Variants in PTPRM observed in about 807,000 individuals in gnomAD.
PTPRM encodes the protein protein tyrosine phosphatase receptor type M, also known as receptor-type tyrosine-protein phosphatase mu.
PTPRM carries 47 observed loss-of-function variants against 186.7 expected under a neutral mutation model. The observed-to-expected ratio is 0.25, with a 90% CI of 0.20 to 0.32. PTPRM has a LOEUF of 0.32. Among genes scored for constraint, PTPRM ranks in the 10% least tolerant of loss-of-function variants. The pLI is 1.00. For missense variants in PTPRM, 1,494 were observed against 1,865.0 expected, an observed-to-expected ratio of 0.80 and a Z score of 3.66; for synonymous variants, 668 against 674.9, an observed-to-expected ratio of 0.99 and a Z score of 0.16.
At chr18:7,977,427 G>A (rs1158761143) in intron 7 of PTPRM, among the ~76,000 whole-genome samples, 3 of 152,102 alleles carry the variant, frequency 2.0e-5, no homozygotes, top group East Asian at 1.9e-4. Context: ...GCACTTCACC[G>A]TAGGTCCCTC....
chr18:8,210,019 A>T (rs59924965), intron 14 of PTPRM, among the ~76,000 whole-genome samples: 12 of 122,964 alleles, frequency 9.8e-5, no homozygotes, highest in East Asian at 8.9e-4. Context: ...AAAAAAAAAA[A>T]GGTGCTCGGG....
rs1477261501 is a variant in PTPRM, at chr18:7,894,362, G to A, written c.468+5985G>A. Among the ~76,000 whole-genome samples the A allele has an allele frequency of 3.9e-5, 6 of 152,038 alleles. No homozygotes were observed. In the East Asian group the frequency reaches 7.8e-4, roughly 20 times the overall value. On this transcript the variant is annotated intron_variant, in intron 3 of 32. Coordinates refer to ENST00000580170, the MANE Select transcript of PTPRM (RefSeq NM_001105244.2). Reference sequence around the variant, plus strand: ...AGCACTTTGGGAGGCTGAGGCAGGCGGATCATGAGGTCAGGAGATCGAGAC... The same window carrying A: ...AGCACTTTGGGAGGCTGAGGCAGGCAGATCATGAGGTCAGGAGATCGAGAC...
chr18:8,133,024 A>G (rs111959423), intron 13 of PTPRM, among the ~76,000 whole-genome samples: 2,266 of 152,264 alleles, frequency 0.015, 58 homozygotes, highest in African/African-American at 0.052. Context: ...TTTTGCTGGT[A>G]TCTGGTAGGG....
At chr18:7,960,244 C>G (rs2053569673) in intron 7 of PTPRM, among the ~76,000 whole-genome samples, 1 of 151,934 alleles carries the variant, frequency 6.6e-6, no homozygotes, top group Non-Finnish European at 1.5e-5. Flanking sequence ...TGAAGCAAAG[C>G]TTAATTAAAA....
intron 1 of PTPRM, among the ~76,000 whole-genome samples, chr18:7,601,613 G>A (rs2037405210): frequency 6.6e-6 from 1 of 152,162 alleles, no homozygotes; most frequent in Non-Finnish European, 1.5e-5. Flanking sequence ...ATTCTCTTCT[G>A]TGTGTCTCTT....
At chr18:8,128,953 A>T (rs140613967) in intron 13 of PTPRM, among the ~76,000 whole-genome samples, 61 of 152,278 alleles carry the variant, frequency 4.0e-4, no homozygotes, top group Non-Finnish European at 5.9e-5. Flanking sequence ...TGCTTAAGGC[A>T]TAGAGCTTTC....
intron 2 of PTPRM, among the ~76,000 whole-genome samples, chr18:7,808,398 T>A (rs2044343239): frequency 6.6e-6 from 1 of 152,172 alleles, no homozygotes; most frequent in South Asian, 2.1e-4. Flanking sequence ...AAAATAGAAC[T>A]TATTTACTGT....
At chr18:7,573,877 C>T (rs2143381437) in intron 1 of PTPRM, among the ~76,000 whole-genome samples, 1 of 152,252 alleles carries the variant, frequency 6.6e-6, no homozygotes, top group East Asian at 1.9e-4. Context: ...AGGCATGAGC[C>T]ACCACGCCTG....
chr18:7,843,304 ATTG>A (rs1478132707), intron 2 of PTPRM, among the ~76,000 whole-genome samples: 1 of 152,142 alleles, frequency 6.6e-6, no homozygotes, highest in East Asian at 1.9e-4. Flanking sequence ...GAGAGTCTCC[ATTG>A]TTAAGCAGCT....
At chr18:7,914,235 C>G (rs950718053) in intron 4 of PTPRM, among the ~76,000 whole-genome samples, 1 of 152,108 alleles carries the variant, frequency 6.6e-6, no homozygotes, top group African/African-American at 2.4e-5. Context: ...TGTGGGAACA[C>G]AATTTGGACT....
chr18:7,704,044 G>A (rs982319993), intron 1 of PTPRM, among the ~76,000 whole-genome samples: 6 of 152,230 alleles, frequency 3.9e-5, no homozygotes, highest in East Asian at 1.9e-4. Flanking sequence ...TGGTGAATAA[G>A]GTTTTTGATA....
chr18:7,777,606 A>G (rs1361391912), intron 2 of PTPRM, among the ~76,000 whole-genome samples: 4 of 152,188 alleles, frequency 2.6e-5, no homozygotes, highest in African/African-American at 7.2e-5. Flanking sequence ...CCCATGGTTT[A>G]TATTGTTGTT....
chr18:7,573,854 G>A (rs747695625), intron 1 of PTPRM, among the ~76,000 whole-genome samples: 17 of 152,060 alleles, frequency 1.1e-4, no homozygotes, highest in Non-Finnish European at 1.8e-4. Flanking sequence ...ACCTCCCAAA[G>A]TGCTGGGATT....
At chr18:8,251,245 T>C (rs2094525564) in intron 17 of PTPRM, among the ~76,000 whole-genome samples, 1 of 152,134 alleles carries the variant, frequency 6.6e-6, no homozygotes, top group Admixed American at 6.5e-5. Flanking sequence ...TTCTGGGAAG[T>C]TTAGAAGGTC....
chr18:7,630,059 G>C (rs1431361216), intron 1 of PTPRM, among the ~76,000 whole-genome samples: 1 of 152,126 alleles, frequency 6.6e-6, no homozygotes, highest in Non-Finnish European at 1.5e-5. Context: ...GAATAGGTTT[G>C]TGGGAATGTT....
At chr18:8,169,402 A>G (rs551867899) in intron 14 of PTPRM, among the ~76,000 whole-genome samples, 17 of 151,872 alleles carry the variant, frequency 1.1e-4, no homozygotes, top group Admixed American at 3.9e-4. Context: ...TTTTTGTGGC[A>G]GCAGTTGTGG....
At chr18:7,594,538 T>C (rs533385910) in intron 1 of PTPRM, among the ~76,000 whole-genome samples, 1 of 151,956 alleles carries the variant, frequency 6.6e-6, no homozygotes, top group South Asian at 2.1e-4. Flanking sequence ...ATTACTCACA[T>C]CAGGGTGAAA....
chr18:8,099,913 C>G (rs1407085995), intron 11 of PTPRM, among the ~76,000 whole-genome samples: 1 of 152,046 alleles, frequency 6.6e-6, no homozygotes. Flanking sequence ...TAAAGATACC[C>G]GAGACTCGGT....
chr18:7,965,197 C>A (rs1183786323), intron 7 of PTPRM, among the ~76,000 whole-genome samples: 1 of 152,104 alleles, frequency 6.6e-6, no homozygotes, highest in African/African-American at 2.4e-5. Flanking sequence ...AGGCACGCGC[C>A]ACCACGCCCA....
Sources: gnomAD v4.1 joint callset for allele counts (sites outside exome capture counted in the v4.1 genomes callset) on GRCh38, gnomAD v4.1.1 for gene constraint, MANE v1.5 for transcripts, NCBI Gene and HGNC (gene_info 2026-07-23, HGNC 2026-07-21) for gene names.